RABGAP1L: variants seen among roughly 807,000 people sequenced by gnomAD.
The protein encoded by RABGAP1L is rab GTPase-activating protein 1-like.
Under a neutral mutation model 137.7 loss-of-function variants are expected in RABGAP1L, and 63 were observed. The observed-to-expected ratio is 0.46, with a 90% confidence interval of 0.37 to 0.56. The LOEUF is 0.56. Among genes scored for constraint, RABGAP1L ranks in the 20% least tolerant of loss-of-function variants. The probability of loss-of-function intolerance (pLI) is 0.00; values close to 1 mark genes in which losing one functional copy is unlikely to be tolerated. For missense variants in RABGAP1L, 1,095 were observed against 1,244.0 expected (o/e 0.88, Z 1.80); for synonymous variants, 431 against 433.7 (o/e 0.99, Z 0.08).
At chr1:174,483,260 C>T (rs1659298172) in intron 13 of RABGAP1L, among the ~76,000 whole-genome samples, 1 of 152,100 alleles carries the variant, frequency 6.6e-6, no homozygotes, top group African/African-American at 2.4e-5. Flanking sequence ...CATTAACCAT[C>T]CCCACTTCTC....
At chr1:174,928,980 C>T (rs1218095903) in intron 19 of RABGAP1L, among the ~76,000 whole-genome samples, 2 of 151,552 alleles carry the variant, frequency 1.3e-5, no homozygotes, top group Admixed American at 6.6e-5. Context: ...AGAAGATTGG[C>T]TGTTATGTTC....
At chr1:174,171,558 G>A (rs552116429) in intron 1 of RABGAP1L, among the ~76,000 whole-genome samples, 18 of 151,918 alleles carry the variant, frequency 1.2e-4, no homozygotes, top group South Asian at 4.2e-4. Context: ...TATAGACTTC[G>A]CGCTATACAT....
rs777099667 is a variant in RABGAP1L at position 174,714,816 on chromosome 1, G to GT, written c.2169+12568dup. The stretch of plus-strand genomic sequence containing the variant: ...TCCTGACCTACCTCTTTGTAGCTTT[G>GT]TTTTTTTTACAGGGCCTAAAAGATC... On this transcript the variant is annotated intron_variant, in intron 17 of 25. Transcript: ENST00000681986. Among the ~76,000 whole-genome samples, 73 of 151,730 alleles carry GT rather than the reference G, an allele frequency of 4.8e-4. 1 individual carries two copies. Among genetic ancestry groups the GT allele is most frequent in the Admixed American group, 2.7e-3 (41 of 15,240 alleles).
intron 17 of RABGAP1L, among the ~76,000 whole-genome samples, chr1:174,726,223 G>A (rs1477702336): frequency 1.3e-5 from 2 of 151,958 alleles, no homozygotes; most frequent in South Asian, 2.1e-4. Flanking sequence ...TCTTTGCGGG[G>A]TTGGAGTTTT....
rs1672028627 is a variant in RABGAP1L, at chr1:174,991,127, C to CAGA, written c.*1128_*1130dup. On this transcript the variant is annotated 3_prime_UTR_variant, in exon 26 of 26. Coordinates refer to ENST00000681986, the MANE Select transcript of RABGAP1L (RefSeq NM_001366446.1). ...TTTTTGATTGAATATAAAACCTTTA[C>CAGA]AGAAATACTTATCTCATGGAAAGGT... 2.6e-5 allele frequency: 4 copies of CAGA among 152,096 alleles called. No homozygotes were observed. The highest frequency in any genetic ancestry group is 2.0e-4 in the Admixed American group (3 of 15,268). The allele number at this position is 152,096 out of a possible 1,614,324, so 9.4% of individuals were successfully genotyped here.
chr1:174,351,909 C>T (rs979525767), intron 11 of RABGAP1L, among the ~76,000 whole-genome samples: 26 of 152,278 alleles, frequency 1.7e-4, no homozygotes, highest in African/African-American at 5.3e-4. Flanking sequence ...TCATGCCATT[C>T]TCTTGCCTCA....
At chr1:174,728,196 G>A (rs1236614916) in intron 17 of RABGAP1L, among the ~76,000 whole-genome samples, 1 of 152,046 alleles carries the variant, frequency 6.6e-6, no homozygotes, top group Non-Finnish European at 1.5e-5. Context: ...TTGTTGCCTT[G>A]TTCTTTACTC....
chr1:174,386,474 GGTGT>G (rs370769823), intron 12 of RABGAP1L, among the ~76,000 whole-genome samples: 1 of 150,042 alleles, frequency 6.7e-6, no homozygotes, highest in African/African-American at 2.4e-5. Context: ...GCCAGAACAG[GGTGT>G]GTGTGTGTGT....
At chr1:174,547,860 A>G (rs1474414229) in intron 13 of RABGAP1L, 8 of 1,538,186 alleles carry the variant, frequency 5.2e-6, no homozygotes, top group African/African-American at 2.7e-5. Flanking sequence ...TTAGTCTTAC[A>G]CCGAGACAGA....
chr1:174,559,475 C>T (rs1434287591), intron 13 of RABGAP1L, among the ~76,000 whole-genome samples: 1 of 152,204 alleles, frequency 6.6e-6, no homozygotes, highest in Non-Finnish European at 1.5e-5. Flanking sequence ...AGACACCAAA[C>T]TGTGCTGGAC....
At chr1:174,692,023 G>A (rs903038693) in intron 15 of RABGAP1L, among the ~76,000 whole-genome samples, 1 of 152,132 alleles carries the variant, frequency 6.6e-6, no homozygotes, top group Non-Finnish European at 1.5e-5. Context: ...ATTTGGAATA[G>A]AATTACAGGA....
chr1:174,796,949 A>G (rs1045544213), intron 18 of RABGAP1L, among the ~76,000 whole-genome samples: 1 of 151,976 alleles, frequency 6.6e-6, no homozygotes, highest in Non-Finnish European at 1.5e-5. Flanking sequence ...GGAGGTTGCA[A>G]TGAGCTGAGA....
intron 19 of RABGAP1L, among the ~76,000 whole-genome samples, chr1:174,953,554 A>G (rs1668052853): frequency 6.6e-6 from 1 of 152,350 alleles, no homozygotes; most frequent in South Asian, 2.1e-4. Flanking sequence ...AGGTGAGGGT[A>G]TTGATGATAA....
At chr1:174,264,077 T>A (rs959979357) in intron 7 of RABGAP1L, among the ~76,000 whole-genome samples, 5 of 152,004 alleles carry the variant, frequency 3.3e-5, no homozygotes, top group African/African-American at 9.7e-5. Flanking sequence ...ATTTTTTTTT[T>A]AGTAGGACTT....
intron 10 of RABGAP1L, among the ~76,000 whole-genome samples, chr1:174,285,748 A>AT (rs1438358850): frequency 6.6e-6 from 1 of 151,886 alleles, no homozygotes; most frequent in Non-Finnish European, 1.5e-5. Context: ...GGTCTTTCTT[A>AT]TTTTTTGGGG....
intron 13 of RABGAP1L, among the ~76,000 whole-genome samples, chr1:174,506,611 C>CA (rs912280866): frequency 4.6e-5 from 7 of 151,934 alleles, no homozygotes; most frequent in African/African-American, 1.2e-4. Flanking sequence ...CTCTATACAA[C>CA]AAAAAAATGA....
intron 14 of RABGAP1L, among the ~76,000 whole-genome samples, chr1:174,660,644 A>G (rs895791424): frequency 2.6e-5 from 4 of 152,140 alleles, no homozygotes; most frequent in African/African-American, 9.7e-5. Context: ...TCTCTCTATC[A>G]TGCATTCTGT....
chr1:174,404,523 C>G (rs888306694), intron 13 of RABGAP1L, among the ~76,000 whole-genome samples: 1 of 151,984 alleles, frequency 6.6e-6, no homozygotes, highest in Admixed American at 6.6e-5. Flanking sequence ...TGGTAAGCCT[C>G]GGGAAATATA....
At chr1:174,288,383 G>A (rs1348962657) in intron 10 of RABGAP1L, among the ~76,000 whole-genome samples, 3 of 152,102 alleles carry the variant, frequency 2.0e-5, no homozygotes, top group Non-Finnish European at 2.9e-5. Context: ...TTTCTTATAA[G>A]GCAGATCTTT....
Sources: allele counts gnomAD v4.1 joint callset (sites outside exome capture counted in the v4.1 genomes callset), GRCh38; gene constraint gnomAD v4.1.1; transcripts MANE v1.5; gene names NCBI Gene and HGNC (gene_info 2026-07-23, HGNC 2026-07-21).